The following GPATCH1 variants were observed in gnomAD, a reference collection of about 807,000 sequenced individuals.
The protein encoded by GPATCH1 is G patch domain-containing protein 1.
In GPATCH1, 73 loss-of-function variants were observed where a neutral mutation model predicts 114.9. The ratio of observed to expected loss-of-function variants is 0.64; its 90% CI spans 0.53 to 0.77. GPATCH1 has a LOEUF of 0.77. Among genes scored for constraint, GPATCH1 ranks in the 30% least tolerant of loss-of-function variants. The pLI is 0.00. For synonymous variants in GPATCH1, 391 were observed against 428.4 expected (o/e 0.91, Z 1.08); for missense variants, 1,058 against 1,144.3 (o/e 0.92, Z 1.09).
At chr19:33,083,117 T>G (rs1972497135) in intron 1 of GPATCH1, among the ~76,000 whole-genome samples, 2 of 148,506 alleles carry the variant, frequency 1.3e-5, no homozygotes, top group Non-Finnish European at 3.0e-5. Flanking sequence ...GGGGGGGGGC[T>G]CATGTAGTCC....
chr19:33,097,808 A>G lies in GPATCH1; in HGVS notation c.906A>G (p.Glu302=), dbSNP rs149338186. 1.4e-4 allele frequency: 231 copies of G among 1,613,708 alleles called. No individual in the cohort carries two copies. The African/African-American group carries it at 2.8e-3, about 19-fold the overall frequency. ...EEEDDDIYAT[E]TLSKYDTVLK... ...AAGATGATGATATCTATGCCACAGA[A>G]ACTCTATCCAAGTATGACACTGTTC... Residue 302 remains glutamate (E), a synonymous_variant, in exon 8 of 20, where the codon GAA becomes GAG. Transcript: ENST00000170564.
intron 18 of GPATCH1, among the ~76,000 whole-genome samples, chr19:33,126,381 C>G (rs536425611): frequency 6.6e-6 from 1 of 152,142 alleles, no homozygotes; most frequent in Non-Finnish European, 1.5e-5. Context: ...TTGCTGGAGG[C>G]GCAGCTGGGT....
chr19:33,091,040 T>C (rs1972588863), intron 3 of GPATCH1, among the ~76,000 whole-genome samples, 175 bp downstream of exon 3: 1 of 152,154 alleles, frequency 6.6e-6, no homozygotes, highest in African/African-American at 2.4e-5. Flanking sequence ...GTCTTGTTCA[T>C]TGGAGGAGCA....
At position 33,114,411 on chromosome 19, in the gene GPATCH1, G is replaced by A. The variant is rs770640311; in HGVS notation, c.2188G>A (p.Ala730Thr). ...GGAAGAGCATGCACCAGAATTATCC[G>A]CAAATCAGGTATTTGGGGCTTCCAG... is the stretch of plus-strand genomic sequence containing the variant. ...KEEEHAPELS[A>T]NQTVNKDVDA... Residue 730 changes from alanine to threonine, a missense_variant, in exon 15 of 20, where the codon GCA (alanine) becomes ACA (threonine). Ala to Thr is a moderately conservative substitution (Grantham distance 58). Coordinates refer to ENST00000170564, the MANE Select transcript of GPATCH1 (RefSeq NM_018025.3). 11 of 1,590,950 alleles carry A rather than the reference G, an allele frequency of 6.9e-6. No individual in the cohort carries two copies. The highest frequency in any genetic ancestry group is 4.6e-5 in the South Asian group (4 of 87,788).
intron 1 of GPATCH1, among the ~76,000 whole-genome samples, chr19:33,081,831 ATTAGGG>A (rs1972480453): frequency 1.3e-5 from 2 of 151,928 alleles, no homozygotes; most frequent in African/African-American, 2.4e-5. Flanking sequence ...TAAGTGCAGG[ATTAGGG>A]TTAGGGTTAG....
chr19:33,102,922 G>A (rs1335940134), intron 9 of GPATCH1, among the ~76,000 whole-genome samples: 1 of 152,224 alleles, frequency 6.6e-6, no homozygotes, highest in African/African-American at 2.4e-5. Flanking sequence ...AGAAGGGAGA[G>A]AAGCCGTGTG....
chr19:33,091,915 C>T (rs1972600856), intron 3 of GPATCH1, among the ~76,000 whole-genome samples: 1 of 152,180 alleles, frequency 6.6e-6, no homozygotes. Context: ...CAGGCTCTCT[C>T]TTCTCAGTCT....
intron 15 of GPATCH1, among the ~76,000 whole-genome samples, chr19:33,116,529 TTTTG>T (rs1333334692): frequency 6.6e-6 from 1 of 152,130 alleles, no homozygotes; most frequent in Non-Finnish European, 1.5e-5. Flanking sequence ...TTTTGTTTTG[TTTTG>T]TTTGTTTGTT....
chr19:33,093,672 A>C (rs915921232), intron 4 of GPATCH1, among the ~76,000 whole-genome samples, 153 bp downstream of exon 4: 2 of 152,136 alleles, frequency 1.3e-5, no homozygotes, highest in Non-Finnish European at 2.9e-5. Flanking sequence ...AGGATCTTGC[A>C]CTGTCATTGC....
chr19:33,090,119 A>G (rs1054804690), intron 2 of GPATCH1, among the ~76,000 whole-genome samples: 12 of 152,170 alleles, frequency 7.9e-5, no homozygotes, highest in African/African-American at 2.9e-4. Context: ...GGTTACAGAC[A>G]TATGTGACCT....
intron 19 of GPATCH1, among the ~76,000 whole-genome samples, chr19:33,127,242 G>T (rs1169931862): frequency 6.6e-6 from 1 of 151,994 alleles, no homozygotes; most frequent in African/African-American, 2.4e-5. Context: ...ATTCAGGCCA[G>T]GCGCGGTGGC....
chr19:33,085,674 A>G (rs1972528009), intron 1 of GPATCH1, among the ~76,000 whole-genome samples: 1 of 152,190 alleles, frequency 6.6e-6, no homozygotes. Context: ...GTCTCAGGGA[A>G]GTTACTTAAT....
chr19:33,088,867 G>A (rs1409089037), intron 2 of GPATCH1, among the ~76,000 whole-genome samples: 1 of 151,970 alleles, frequency 6.6e-6, no homozygotes, highest in East Asian at 1.9e-4. Flanking sequence ...ATGTTGGCCA[G>A]TGTGGTCTCT....
intron 1 of GPATCH1, among the ~76,000 whole-genome samples, chr19:33,084,398 CT>C (rs1972512871): frequency 6.6e-6 from 1 of 152,136 alleles, no homozygotes; most frequent in Admixed American, 6.6e-5. Context: ...TCCTTAGACA[CT>C]TCCACTTGGT....
At chr19:33,096,704 C>T (rs1972664305) in intron 7 of GPATCH1, among the ~76,000 whole-genome samples, 1 of 152,050 alleles carries the variant, frequency 6.6e-6, no homozygotes, top group South Asian at 2.1e-4. Flanking sequence ...TCTTGGCTTA[C>T]TGCAACCTCT....
chr19:33,083,964 C>A (rs1599847590), intron 1 of GPATCH1, among the ~76,000 whole-genome samples: 1 of 152,082 alleles, frequency 6.6e-6, no homozygotes, highest in East Asian at 2.0e-4. Flanking sequence ...TGCCCACCAC[C>A]ATGCCCGGCT....
In GPATCH1 at chr19:33,096,287, T is replaced by C. The variant is rs1482095761; in HGVS notation, c.693T>C (p.Asp231=). Residue 231 remains aspartate, a synonymous_variant, in exon 7 of 20, where the codon GAT becomes GAC. Transcript: ENST00000170564. ...DVTPVDFTPK[D]NVHGLAYKGL... The stretch of plus-strand genomic sequence containing the variant: ...CACCTGTGGATTTCACACCTAAAGA[T>C]AATGTGCATGGTCTAGCTTACAAGG... 1.9e-6 allele frequency: 3 copies of C among 1,614,130 alleles called. No homozygotes were observed. The highest frequency in any genetic ancestry group is 1.1e-5 in the South Asian group (1 of 91,080).
intron 19 of GPATCH1, among the ~76,000 whole-genome samples, chr19:33,127,857 C>G (rs1042861958): frequency 6.6e-6 from 1 of 151,788 alleles, no homozygotes; most frequent in African/African-American, 2.4e-5. Context: ...TACAGGCACC[C>G]GCCCCCACAC....
intron 15 of GPATCH1, among the ~76,000 whole-genome samples, chr19:33,117,148 A>G (rs1022038345): frequency 6.6e-6 from 1 of 152,088 alleles, no homozygotes; most frequent in African/African-American, 2.4e-5. Flanking sequence ...GTGTGCTATG[A>G]TCGCACCATT....
Sources: gnomAD v4.1 joint callset for allele counts (sites outside exome capture counted in the v4.1 genomes callset) on GRCh38, gnomAD v4.1.1 for gene constraint, MANE v1.5 for transcripts, NCBI Gene and HGNC (gene_info 2026-07-23, HGNC 2026-07-21) for gene names.